The following PAG1 variants were observed in gnomAD, a reference collection of about 807,000 sequenced individuals.
The protein encoded by PAG1 is phosphoprotein associated with glycosphingolipid-enriched microdomains 1.
In PAG1, 23 loss-of-function variants were observed where a neutral mutation model predicts 31.7. The ratio of observed to expected loss-of-function variants is 0.73; its 90% CI spans 0.52 to 1.03. The LOEUF (loss-of-function observed/expected upper bound fraction) is 1.03, where lower values mean the gene tolerates loss of function less well. Ranked by LOEUF, PAG1 falls within the 50% of genes least tolerant of loss-of-function variation. PAG1 has a pLI of 0.00. For synonymous variants in PAG1, 214 were observed against 210.3 expected, an observed-to-expected ratio of 1.02 and a Z score of -0.15; for missense variants, 473 against 540.7, an observed-to-expected ratio of 0.87 and a Z score of 1.24.
intron 3 of PAG1, among the ~76,000 whole-genome samples, chr8:81,021,917 T>C (rs1220716478): frequency 6.6e-6 from 1 of 152,156 alleles, no homozygotes; most frequent in Non-Finnish European, 1.5e-5. Flanking sequence ...ATTGTGCAAT[T>C]TGTCACCATT....
chr8:80,979,278 G>T (rs907442859), intron 8 of PAG1, among the ~76,000 whole-genome samples: 16 of 152,166 alleles, frequency 1.1e-4, no homozygotes, highest in African/African-American at 3.9e-4. Context: ...GATCACTTTG[G>T]CTGCAGAGTA....
At chr8:81,107,219 T>C (rs896635638) in intron 1 of PAG1, among the ~76,000 whole-genome samples, 3 of 152,206 alleles carry the variant, frequency 2.0e-5, no homozygotes, top group Non-Finnish European at 4.4e-5. Context: ...TAAGCTCTTC[T>C]TCTACAAAGA....
At chr8:81,014,354 C>A (rs1183495466) in intron 3 of PAG1, among the ~76,000 whole-genome samples, 1 of 152,156 alleles carries the variant, frequency 6.6e-6, no homozygotes, top group Non-Finnish European at 1.5e-5. Context: ...TTACATGGCC[C>A]ATAAAACATT....
intron 2 of PAG1, among the ~76,000 whole-genome samples, chr8:81,059,132 C>A (rs1211947926): frequency 6.6e-6 from 1 of 152,008 alleles, no homozygotes; most frequent in Admixed American, 6.6e-5. Context: ...CTATACACAT[C>A]CTCCCATGTA....
intron 3 of PAG1, among the ~76,000 whole-genome samples, chr8:81,024,146 C>T (rs1217291332): frequency 6.6e-6 from 1 of 152,194 alleles, no homozygotes; most frequent in Admixed American, 6.5e-5. Context: ...TTTAAGCTAT[C>T]ATTTTATTTA....
intron 2 of PAG1, among the ~76,000 whole-genome samples, chr8:81,032,481 C>A (rs1808392232): frequency 6.6e-6 from 1 of 152,098 alleles, no homozygotes. Flanking sequence ...CATAAGTAGC[C>A]ATCAACAAAG....
chr8:81,033,653 G>C (rs16908388), intron 2 of PAG1, among the ~76,000 whole-genome samples: 6,987 of 152,250 alleles, frequency 0.046, 221 homozygotes, highest in African/African-American at 0.075. Context: ...AGGACGGTTG[G>C]TGACTTCTTA....
chr8:81,000,844 T>C (rs1807772252), intron 3 of PAG1, among the ~76,000 whole-genome samples: 1 of 152,180 alleles, frequency 6.6e-6, no homozygotes, highest in Non-Finnish European at 1.5e-5. Context: ...AGCACCGTAA[T>C]ATCAGTGTCT....
In PAG1 at chr8:81,073,159, C is replaced by T. The variant is rs537834508; in HGVS notation, c.-233-2989G>A. ...CTGTGGTTGTTTTCATCAGGATTGG[C>T]CCACATGGAGTCCTAGGCATAGCCA... On this transcript the variant is annotated intron_variant, in intron 1 of 8. Transcript: ENST00000220597. Among the ~76,000 whole-genome samples, 3 of 152,260 alleles carry T rather than the reference C, an allele frequency of 2.0e-5. No individual in the cohort carries two copies. In the South Asian group the frequency reaches 6.2e-4, roughly 32 times the overall value.
At chr8:81,059,228 T>C (rs1808877955) in intron 2 of PAG1, among the ~76,000 whole-genome samples, 1 of 151,964 alleles carries the variant, frequency 6.6e-6, no homozygotes, top group South Asian at 2.1e-4. Flanking sequence ...GTTTAGAGAA[T>C]AACAAGAAAT....
At chr8:81,067,576 T>C (rs1405545422) in intron 2 of PAG1, 1 of 152,232 alleles carries the variant, frequency 6.6e-6, no homozygotes, top group Admixed American at 6.5e-5. Flanking sequence ...TATGCTGAAA[T>C]TAACCTCGTC....
At chr8:81,069,709 A>T (rs975933510) in intron 2 of PAG1, among the ~76,000 whole-genome samples, 1 of 152,194 alleles carries the variant, frequency 6.6e-6, no homozygotes, top group African/African-American at 2.4e-5. Flanking sequence ...AGCACTGTGT[A>T]TCCTATTAAT....
At chr8:81,096,849 A>C (rs34665538) in intron 1 of PAG1, among the ~76,000 whole-genome samples, 1 of 152,158 alleles carries the variant, frequency 6.6e-6, no homozygotes, top group African/African-American at 2.4e-5. Context: ...TGGGGGCACA[A>C]GGCTGTCAGG....
chr8:81,045,963 C>T (rs1808634371), intron 2 of PAG1, among the ~76,000 whole-genome samples: 1 of 152,228 alleles, frequency 6.6e-6, no homozygotes, highest in Non-Finnish European at 1.5e-5. Context: ...GGGCGTGTAA[C>T]AGCATAACTC....
chr8:80,981,721 T>G (rs1807304163), intron 7 of PAG1, among the ~76,000 whole-genome samples: 1 of 152,160 alleles, frequency 6.6e-6, no homozygotes, highest in Admixed American at 6.5e-5. Flanking sequence ...TCCACATACC[T>G]ATGTGTGAAT....
At chr8:81,002,149 C>T (rs1378972798) in intron 3 of PAG1, among the ~76,000 whole-genome samples, 1 of 152,058 alleles carries the variant, frequency 6.6e-6, no homozygotes, top group East Asian at 1.9e-4. Flanking sequence ...TTTGCAGTCA[C>T]GCTCTGTTAA....
chr8:81,020,840 TA>T (rs1808152396), intron 3 of PAG1, among the ~76,000 whole-genome samples: 1 of 152,236 alleles, frequency 6.6e-6, no homozygotes, highest in South Asian at 2.1e-4. Context: ...ATTTCATCCT[TA>T]ATAAACTCTA....
In PAG1 at chr8:80,971,679, A is replaced by T. The variant is rs1807081027; in HGVS notation, c.*4865T>A. On this transcript the variant is annotated 3_prime_UTR_variant, in exon 9 of 9. Transcript: ENST00000220597. ...TACTGAATTGAACGCTTTTTAAAAAATGTCTTTTAAGCAAAAATTGTATTT... is the reference window on the plus strand; with the variant it reads ...TACTGAATTGAACGCTTTTTAAAAATTGTCTTTTAAGCAAAAATTGTATTT... The T allele has an allele frequency of 1.3e-5, 2 of 152,242 alleles. No homozygotes were observed. Among genetic ancestry groups the T allele is most frequent in the Admixed American group, 1.3e-4 (2 of 15,284 alleles). 9.4% of individuals were successfully genotyped at this position (152,242 alleles called of 1,614,324 possible).
intron 3 of PAG1, among the ~76,000 whole-genome samples, chr8:80,995,034 G>A (rs1459073115): frequency 6.6e-6 from 1 of 152,166 alleles, no homozygotes; most frequent in Non-Finnish European, 1.5e-5. Flanking sequence ...GCAAACCAGG[G>A]TGCCTCCTAA....
Sources: gnomAD v4.1 joint callset for allele counts (sites outside exome capture counted in the v4.1 genomes callset) on GRCh38, gnomAD v4.1.1 for gene constraint, MANE v1.5 for transcripts, NCBI Gene and HGNC (gene_info 2026-07-23, HGNC 2026-07-21) for gene names.